Variants in CTNND2 observed in about 807,000 individuals in gnomAD.
CTNND2 encodes catenin delta 2, also known as catenin delta-2.
CTNND2 carries 22 observed loss-of-function variants against 144.4 expected under a neutral mutation model. The observed-to-expected ratio is 0.15, with a 90% CI of 0.11 to 0.22. CTNND2 has a LOEUF of 0.22. CTNND2 is among the 10% of genes least tolerant of loss of function. The probability of loss-of-function intolerance (pLI) is 1.00; values close to 1 mark genes in which losing one functional copy is unlikely to be tolerated. For synonymous variants in CTNND2, 751 were observed against 695.6 expected (o/e 1.08, Z -1.25); for missense variants, 1,353 against 1,618.8 (o/e 0.84, Z 2.82).
At position 11,307,904 on chromosome 5, in the gene CTNND2, A is replaced by G. The variant is rs138262900; in HGVS notation, c.1628+38468T>C. On this transcript the variant is annotated intron_variant, in intron 9 of 21. Transcript: ENST00000304623. ...AAGATGAGGACTTTGGGAGGTGATTAGGTTATGAGAGTAGACCACTCATGA... is the reference window on the plus strand; with the variant it reads ...AAGATGAGGACTTTGGGAGGTGATTGGGTTATGAGAGTAGACCACTCATGA... Among the ~76,000 whole-genome samples, 902 of 152,294 alleles carry G rather than the reference A, an allele frequency of 5.9e-3. 1 individual carries two copies. Among genetic ancestry groups the G allele is most frequent in the Non-Finnish European group, 9.8e-3 (670 of 68,026 alleles).
chr5:11,050,130 C>A (rs1314029924), intron 16 of CTNND2, among the ~76,000 whole-genome samples: 2 of 152,186 alleles, frequency 1.3e-5, no homozygotes, highest in Non-Finnish European at 2.9e-5. Flanking sequence ...GCTCTTTCTT[C>A]TTCCCTTTCT....
At chr5:11,232,991 T>G (rs1741209424) in intron 10 of CTNND2, among the ~76,000 whole-genome samples, 1 of 152,152 alleles carries the variant, frequency 6.6e-6, no homozygotes, top group Non-Finnish European at 1.5e-5. Context: ...CCCCTGCTTG[T>G]ACTCAATCTC....
At chr5:11,369,390 T>C (rs1757259516) in intron 7 of CTNND2, among the ~76,000 whole-genome samples, 3 of 152,240 alleles carry the variant, frequency 2.0e-5, no homozygotes, top group Admixed American at 6.5e-5. Context: ...TGAAAAGGGC[T>C]ACATATGGCT....
At chr5:11,090,145 C>T (rs560493412) in intron 15 of CTNND2, among the ~76,000 whole-genome samples, 2 of 152,302 alleles carry the variant, frequency 1.3e-5, no homozygotes, top group East Asian at 3.9e-4. Flanking sequence ...CTTATGAATA[C>T]TTGTTTGTCT....
At chr5:11,290,329 C>T (rs1748198080) in intron 9 of CTNND2, among the ~76,000 whole-genome samples, 1 of 152,148 alleles carries the variant, frequency 6.6e-6, no homozygotes, top group African/African-American at 2.4e-5. Flanking sequence ...TATGAGGTAC[C>T]TGACGGGATG....
intron 16 of CTNND2, among the ~76,000 whole-genome samples, chr5:11,027,987 T>C (rs1400222453): frequency 1.3e-5 from 2 of 152,210 alleles, no homozygotes; most frequent in East Asian, 3.8e-4. Flanking sequence ...CATACTACCA[T>C]TTGGTTTTCG....
In CTNND2 at chr5:11,171,914, G is replaced by A. The variant is rs138786398; in HGVS notation, c.1976-12155C>T. 3.2e-3 allele frequency among the ~76,000 whole-genome samples: 493 copies of A among 152,294 alleles called. 2 individuals are homozygous for A. The highest frequency in any genetic ancestry group is 0.011 in the African/African-American group (473 of 41,554). On this transcript the variant is annotated intron_variant, in intron 11 of 21. Transcript: ENST00000304623. Reference sequence around the variant, plus strand: ...GTGATGGATAACAATCCTAAAGACCGTGGGCCTAATTGTAGAGTAGATGCC... The same window carrying A: ...GTGATGGATAACAATCCTAAAGACCATGGGCCTAATTGTAGAGTAGATGCC...
intron 2 of CTNND2, among the ~76,000 whole-genome samples, chr5:11,695,874 G>A (rs1377435089): frequency 1.3e-5 from 2 of 152,146 alleles, no homozygotes; most frequent in Non-Finnish European, 2.9e-5. Flanking sequence ...GTCTTACACT[G>A]TTTTTAATCA....
At chr5:11,237,381 A>G in intron 9 of CTNND2, among the ~76,000 whole-genome samples, 1 of 152,366 alleles carries the variant, frequency 6.6e-6, no homozygotes, top group South Asian at 2.1e-4. Context: ...GATTATATAT[A>G]CAGATCAATC....
chr5:11,216,816 C>CA (rs1308125508), intron 10 of CTNND2, among the ~76,000 whole-genome samples: 1 of 152,236 alleles, frequency 6.6e-6, no homozygotes, highest in African/African-American at 2.4e-5. Context: ...CACCTGCAAA[C>CA]AGCAGAGGGT....
chr5:11,058,496 C>G (rs1362278611), intron 16 of CTNND2, among the ~76,000 whole-genome samples: 1 of 152,210 alleles, frequency 6.6e-6, no homozygotes, highest in African/African-American at 2.4e-5. Context: ...GGAACCTCTG[C>G]CTAGATTTCA....
intron 3 of CTNND2, among the ~76,000 whole-genome samples, chr5:11,553,132 T>C (rs1296980623): frequency 6.6e-6 from 1 of 152,206 alleles, no homozygotes; most frequent in Non-Finnish European, 1.5e-5. Flanking sequence ...GCATTCCCTA[T>C]TATACATATG....
chr5:11,461,610 T>C (rs1329302864), intron 3 of CTNND2, among the ~76,000 whole-genome samples: 2 of 152,190 alleles, frequency 1.3e-5, no homozygotes, highest in Non-Finnish European at 2.9e-5. Flanking sequence ...GGTTGACCTA[T>C]GCATCTTGAG....
intron 3 of CTNND2, among the ~76,000 whole-genome samples, chr5:11,448,022 T>C (rs1055476463): frequency 2.0e-5 from 3 of 152,152 alleles, no homozygotes; most frequent in Admixed American, 1.3e-4. Flanking sequence ...AAATCAAGCC[T>C]TGGGCAAGTG....
chr5:11,404,258 G>A (rs1221013752), intron 5 of CTNND2, among the ~76,000 whole-genome samples: 2 of 152,136 alleles, frequency 1.3e-5, no homozygotes, highest in Non-Finnish European at 2.9e-5. Flanking sequence ...CAGGGGCCAC[G>A]AAGACCCCAG....
chr5:11,174,519 T>G (rs1760267743), intron 11 of CTNND2, among the ~76,000 whole-genome samples: 1 of 152,244 alleles, frequency 6.6e-6, no homozygotes, highest in Non-Finnish European at 1.5e-5. Context: ...GACTTATTTT[T>G]TTTTTAAATA....
chr5:11,330,801 TAGAA>T (rs1554034133), intron 9 of CTNND2, among the ~76,000 whole-genome samples: 1 of 134,406 alleles, frequency 7.4e-6, no homozygotes, highest in Non-Finnish European at 1.6e-5. Flanking sequence ...AAAAAAAAAA[TAGAA>T]AGAGTTCAGC....
chr5:11,123,124 C>T (rs1238446593), intron 12 of CTNND2, among the ~76,000 whole-genome samples: 2 of 152,174 alleles, frequency 1.3e-5, no homozygotes, highest in Non-Finnish European at 2.9e-5. Flanking sequence ...CTAAGCCTTG[C>T]CTCAGCCCCG....
At chr5:11,682,254 T>C (rs553949048) in intron 2 of CTNND2, among the ~76,000 whole-genome samples, 1 of 152,342 alleles carries the variant, frequency 6.6e-6, no homozygotes, top group South Asian at 2.1e-4. Context: ...GCCTGAAGCC[T>C]TGGGCATTTC....
Sources: gnomAD v4.1 joint callset for allele counts (sites outside exome capture counted in the v4.1 genomes callset) on GRCh38, gnomAD v4.1.1 for gene constraint, MANE v1.5 for transcripts, NCBI Gene and HGNC (gene_info 2026-07-23, HGNC 2026-07-21) for gene names.